MYO10: variants seen among roughly 807,000 people sequenced by gnomAD.
MYO10 encodes the protein unconventional myosin-X.
In MYO10, 133 loss-of-function variants were observed where a neutral mutation model predicts 257.3. The observed-to-expected ratio is 0.52, with a 90% CI of 0.45 to 0.60. MYO10 has a LOEUF of 0.60. MYO10 is among the 20% of genes least tolerant of loss of function. MYO10 has a pLI of 0.00. For synonymous variants in MYO10, 1,104 were observed against 1,028.6 expected (o/e 1.07, Z -1.40); for missense variants, 2,399 against 2,635.7 (o/e 0.91, Z 1.97).
chr5:16,749,138 T>C lies in MYO10; in HGVS notation c.1929+5690A>G, dbSNP rs558644155. On this transcript the variant is annotated intron_variant, in intron 19 of 40. Transcript: ENST00000513610. ...CATGGAAACTCTAGCCCTGCTGGTTTCCCTCCCCTGAGGCCTGGTCTTCAG... is the reference window on the plus strand; with the variant it reads ...CATGGAAACTCTAGCCCTGCTGGTTCCCCTCCCCTGAGGCCTGGTCTTCAG... Among the ~76,000 whole-genome samples, 18 of 152,214 alleles carry C rather than the reference T, an allele frequency of 1.2e-4. 1 individual carries two copies. Among genetic ancestry groups the C allele is most frequent in the African/African-American group, 4.3e-4 (18 of 41,542 alleles).
chr5:16,815,339 T>C (rs1179110521), intron 3 of MYO10: 1 of 654,908 alleles, frequency 1.5e-6, no homozygotes, highest in East Asian at 2.7e-5. Flanking sequence ...TAAGTTAAAT[T>C]CAAAATCCAA....
rs916024577 is a variant in MYO10 at position 16,823,335 on chromosome 5, A to C, written c.121-5168T>G. ...TGGCACGTGACGGTAATCCCAGCTA[A>C]TCAAGAGGCTGAGGCATGAGAATCA... On this transcript the variant is annotated intron_variant, in intron 2 of 40. Transcript: ENST00000513610. 2.1e-5 allele frequency among the ~76,000 whole-genome samples: 3 copies of C among 145,202 alleles called. No individual in the cohort carries two copies. In the South Asian group the frequency reaches 7.2e-4, roughly 35 times the overall value.
At chr5:16,771,810 C>T (rs556286731) in intron 9 of MYO10, among the ~76,000 whole-genome samples, 44 of 151,398 alleles carry the variant, frequency 2.9e-4, no homozygotes, top group African/African-American at 6.3e-4. Context: ...CAAACTCCTG[C>T]GCTCAAGCAA....
chr5:16,811,939 G>A (rs1402871041), intron 3 of MYO10, among the ~76,000 whole-genome samples: 1 of 152,186 alleles, frequency 6.6e-6, no homozygotes, highest in African/African-American at 2.4e-5. Flanking sequence ...CATAGGTTAT[G>A]TCTCTGTACC....
intron 9 of MYO10, among the ~76,000 whole-genome samples, chr5:16,778,710 T>G (rs1480231999): frequency 2.3e-5 from 2 of 86,354 alleles, no homozygotes; most frequent in Non-Finnish European, 5.0e-5. Context: ...TTTTTTTTTT[T>G]GAGACGGAGT....
chr5:16,878,358 T>G (rs552571917), intron 1 of MYO10, among the ~76,000 whole-genome samples: 94 of 152,322 alleles, frequency 6.2e-4, no homozygotes, highest in Non-Finnish European at 1.1e-3. Flanking sequence ...CAAATTTTGT[T>G]AGGATTACAT....
In MYO10 at chr5:16,824,679, C is replaced by T. The variant is rs1437111547; in HGVS notation, c.121-6512G>A. On this transcript the variant is annotated intron_variant, in intron 2 of 40. Transcript: ENST00000513610. ...GTCAAGAGATTGAGACCAACTTGGC[C>T]AACATGGTGAAACCCTGTCTCTACT... is the stretch of plus-strand genomic sequence containing the variant. Among the ~76,000 whole-genome samples the T allele has an allele frequency of 3.3e-5, 5 of 152,182 alleles. No homozygotes were observed. In the East Asian group the frequency reaches 7.7e-4, roughly 24 times the overall value.
intron 1 of MYO10, among the ~76,000 whole-genome samples, chr5:16,929,538 T>G (rs1175117007): frequency 1.3e-5 from 2 of 152,192 alleles, no homozygotes; most frequent in Non-Finnish European, 2.9e-5. Context: ...TCTAGCTGTG[T>G]GACACTGAGT....
Position 16,779,665 on chromosome 5 carries a change from A to C in MYO10, c.827-17T>G. The stretch of plus-strand genomic sequence containing the variant: ...AAAATTCTTCTACAGAAAGACAAAA[A>C]CATGATGTCACAGTTCTCCAGGACA... On this transcript the variant is annotated splice_polypyrimidine_tract_variant and intron_variant, in intron 8 of 40. Coordinates refer to ENST00000513610, the MANE Select transcript of MYO10 (RefSeq NM_012334.3). 7.1e-7 allele frequency: 1 copy of C among 1,416,874 alleles called. No homozygotes were observed. The highest frequency in any genetic ancestry group is 9.9e-7 in the Non-Finnish European group (1 of 1,015,024). 87.8% of individuals were successfully genotyped at this position (1,416,874 alleles called of 1,614,324 possible). A position where few individuals can be genotyped will look rare whatever the true frequency, so the allele number is the denominator to read the frequency against.
intron 19 of MYO10, among the ~76,000 whole-genome samples, chr5:16,739,333 G>T (rs1465163288): frequency 6.7e-6 from 1 of 148,616 alleles, no homozygotes; most frequent in East Asian, 2.0e-4. Flanking sequence ...CAAATTTCTT[G>T]TTTCTGTTTT....
chr5:16,866,531 A>G (rs1402217371), intron 2 of MYO10, among the ~76,000 whole-genome samples: 1 of 152,138 alleles, frequency 6.6e-6, no homozygotes, highest in Admixed American at 6.5e-5. Context: ...GTTCACAGGA[A>G]CCCAGAGGTT....
chr5:16,764,146 CAAAAAAAAAAAG>C (rs1740799972), intron 12 of MYO10, 92 bp downstream of exon 12: 54 of 979,466 alleles, frequency 5.5e-5, no homozygotes, highest in Non-Finnish European at 7.3e-5. Context: ...GACTCCTTCT[CAAAAAAAAAAAG>C]AAAAAAAAAG....
rs1736081769 is a variant in MYO10 at position 16,664,473 on chromosome 5, A to C, written c.*2219T>G. The C allele has an allele frequency of 6.6e-6, 1 of 152,234 alleles. No homozygotes were observed. 9.4% of individuals were successfully genotyped at this position (152,234 alleles called of 1,614,324 possible). A position where few individuals can be genotyped will look rare whatever the true frequency, so the allele number is the denominator to read the frequency against. ...CTTTCCTTGGGTGCCTGGCGGGGCC[A>C]CAGGCTTCAGGCAGCACCTGGCTTC... On this transcript the variant is annotated 3_prime_UTR_variant, in exon 41 of 41. Transcript: ENST00000513610.
chr5:16,698,622 A>AGTTTTTT (rs1737872600), intron 26 of MYO10, among the ~76,000 whole-genome samples: 1 of 91,812 alleles, frequency 1.1e-5, no homozygotes, highest in African/African-American at 5.4e-5. Flanking sequence ...GAGAACATGC[A>AGTTTTTT]GTTTTTTTTT....
At chr5:16,770,690 G>A (rs938379214) in intron 9 of MYO10, among the ~76,000 whole-genome samples, 1 of 152,198 alleles carries the variant, frequency 6.6e-6, no homozygotes, top group Non-Finnish European at 1.5e-5. Flanking sequence ...AGGAAACCAC[G>A]CACCGCTCTG....
chr5:16,899,553 C>T (rs1309675040), intron 1 of MYO10, among the ~76,000 whole-genome samples: 1 of 149,004 alleles, frequency 6.7e-6, no homozygotes, highest in Non-Finnish European at 1.5e-5. Flanking sequence ...AGGAGAATCG[C>T]GTGAACCTGG....
chr5:16,805,867 A>C (rs72732248), intron 3 of MYO10, among the ~76,000 whole-genome samples: 461 of 152,282 alleles, frequency 3.0e-3, no homozygotes, highest in Non-Finnish European at 4.2e-3. Flanking sequence ...AATGTTGGAG[A>C]AGCTCACTTC....
At chr5:16,803,547 G>C (rs1394357992) in intron 3 of MYO10, among the ~76,000 whole-genome samples, 1 of 152,160 alleles carries the variant, frequency 6.6e-6, no homozygotes, top group Non-Finnish European at 1.5e-5. Context: ...ATATTTTCAG[G>C]GAGACAGTAA....
intron 2 of MYO10, among the ~76,000 whole-genome samples, chr5:16,828,016 G>C (rs1743052011): frequency 6.6e-6 from 1 of 152,204 alleles, no homozygotes; most frequent in Non-Finnish European, 1.5e-5. Context: ...CGTGTTCAGA[G>C]ATGGCCTTTT....
Sources: allele counts gnomAD v4.1 joint callset (sites outside exome capture counted in the v4.1 genomes callset), GRCh38; gene constraint gnomAD v4.1.1; transcripts MANE v1.5; gene names NCBI Gene and HGNC (gene_info 2026-07-23, HGNC 2026-07-21).